The following JAK2 variants were observed in gnomAD, a reference collection of about 807,000 sequenced individuals.
JAK2 encodes Janus kinase 2, also known as tyrosine-protein kinase JAK2.
JAK2 carries 86 observed loss-of-function variants against 139.3 expected under a neutral mutation model. The observed-to-expected ratio is 0.62, with a 90% CI of 0.52 to 0.74. The LOEUF is 0.74. Ranked by LOEUF, JAK2 falls within the 30% of genes least tolerant of loss-of-function variation. JAK2 has a pLI of 0.00. For missense variants in JAK2, 1,421 were observed against 1,360.3 expected, an observed-to-expected ratio of 1.04 and a Z score of -0.70; for synonymous variants, 490 against 437.7, an observed-to-expected ratio of 1.12 and a Z score of -1.49.
At chr9:5,028,968 G>A (rs772408087) in intron 3 of JAK2, among the ~76,000 whole-genome samples, 4 of 152,258 alleles carry the variant, frequency 2.6e-5, no homozygotes, top group African/African-American at 2.4e-5. Flanking sequence ...TACTGCAGTC[G>A]CATTTTTAAT....
intron 2 of JAK2, among the ~76,000 whole-genome samples, chr9:4,990,290 A>T (rs1351428364): frequency 6.6e-6 from 1 of 152,192 alleles, no homozygotes; most frequent in African/African-American, 2.4e-5. Flanking sequence ...AGAGAGATTT[A>T]AAAATGTGTC....
chr9:5,095,644 A>G (rs1307036885), intron 22 of JAK2, among the ~76,000 whole-genome samples: 1 of 152,092 alleles, frequency 6.6e-6, no homozygotes, highest in African/African-American at 2.4e-5. Context: ...CCCTATCTCA[A>G]TTATATTTCA....
At chr9:5,115,968 G>C (rs1240877949) in intron 22 of JAK2, among the ~76,000 whole-genome samples, 1 of 151,994 alleles carries the variant, frequency 6.6e-6, no homozygotes, top group Non-Finnish European at 1.5e-5. Flanking sequence ...TTGATGGGTT[G>C]ATGGGTGCAG....
intron 4 of JAK2, among the ~76,000 whole-genome samples, chr9:5,039,848 T>C (rs1388157693): frequency 1.3e-5 from 2 of 152,152 alleles, no homozygotes; most frequent in Non-Finnish European, 2.9e-5. Flanking sequence ...TGGAAAGATA[T>C]CTCATAGAGG....
chr9:5,126,302 AC>A (rs756938403), intron 23 of JAK2, 30 bp from the exon 24 acceptor site: 1 of 1,472,250 alleles, frequency 6.8e-7, no homozygotes, highest in African/African-American at 1.4e-5. Context: ...AATTAAATGT[AC>A]AAAAAATATT....
chr9:5,058,135 A>T (rs933949866), intron 8 of JAK2, among the ~76,000 whole-genome samples: 7 of 152,174 alleles, frequency 4.6e-5, no homozygotes, highest in Admixed American at 4.6e-4. Context: ...ATTGTGAGTA[A>T]TGCTGCTGTG....
intron 22 of JAK2, among the ~76,000 whole-genome samples, chr9:5,095,867 C>T (rs1273708609): frequency 6.6e-6 from 1 of 152,174 alleles, no homozygotes; most frequent in Admixed American, 6.5e-5. Context: ...ACAACTACCA[C>T]ATTTCTAGCA....
intron 2 of JAK2, among the ~76,000 whole-genome samples, chr9:5,020,855 G>A (rs528424626): frequency 6.6e-6 from 1 of 152,254 alleles, no homozygotes; most frequent in Admixed American, 6.5e-5. Flanking sequence ...GATATGCAGG[G>A]GCTGTTGGGC....
intron 22 of JAK2, among the ~76,000 whole-genome samples, chr9:5,120,098 A>T (rs1365381988): frequency 6.6e-6 from 1 of 152,230 alleles, no homozygotes; most frequent in African/African-American, 2.4e-5. Context: ...AAGTGCTGGC[A>T]GGTTCAGGCG....
At chr9:4,987,452 A>G (rs111785953) in intron 2 of JAK2, among the ~76,000 whole-genome samples, 86 of 152,226 alleles carry the variant, frequency 5.6e-4, no homozygotes, top group African/African-American at 2.0e-3. Flanking sequence ...TGCATTATTT[A>G]CGGCTGGTCA....
chr9:5,028,672 C>T (rs1055248738), intron 3 of JAK2, among the ~76,000 whole-genome samples: 1 of 152,190 alleles, frequency 6.6e-6, no homozygotes, highest in African/African-American at 2.4e-5. Flanking sequence ...GGATAACTTG[C>T]TGCATCCTCT....
intron 2 of JAK2, among the ~76,000 whole-genome samples, chr9:5,011,635 C>T (rs998015835): frequency 3.4e-5 from 5 of 147,116 alleles, no homozygotes; most frequent in Admixed American, 6.9e-5. Flanking sequence ...GCTTTGGGTC[C>T]ATTTCTATTA....
intron 2 of JAK2, among the ~76,000 whole-genome samples, chr9:4,987,186 T>C (rs1446961834): frequency 6.6e-6 from 1 of 152,202 alleles, no homozygotes; most frequent in Non-Finnish European, 1.5e-5. Flanking sequence ...GAGCACACCA[T>C]GCTTGTTTTT....
In JAK2 at chr9:5,040,629, C is replaced by G. The variant is rs116543362; in HGVS notation, c.351-3774C>G. On this transcript the variant is annotated intron_variant, in intron 4 of 24. Coordinates refer to ENST00000381652, the MANE Select transcript of JAK2 (RefSeq NM_004972.4). ...TTACAGCTCAACAAGACAATGACAA[C>G]TTAATTTAAAAAGTAGGCAAGGGAC... Among the ~76,000 whole-genome samples, 1,013 of 152,342 alleles carry G rather than the reference C, an allele frequency of 6.6e-3. 13 individuals carry two copies. Among genetic ancestry groups the G allele is most frequent in the African/African-American group, 0.024 (982 of 41,560 alleles).
intron 19 of JAK2, chr9:5,085,575 T>A (rs1249315780): frequency 1.4e-6 from 1 of 692,840 alleles, no homozygotes; most frequent in Admixed American, 2.0e-5. Flanking sequence ...TATTTCCAGT[T>A]TGTGCCCCAC....
chr9:5,069,888 T>C (rs374913103), intron 11 of JAK2, 37 bp from the exon 12 acceptor site: 25 of 1,375,156 alleles, frequency 1.8e-5, no homozygotes, highest in Non-Finnish European at 2.3e-5. Flanking sequence ...ACTTTCAGTG[T>C]ATTTTGAAGT....
chr9:5,062,381 T>G (rs1011590996), intron 8 of JAK2, among the ~76,000 whole-genome samples: 1 of 151,774 alleles, frequency 6.6e-6, no homozygotes, highest in Non-Finnish European at 1.5e-5. Flanking sequence ...GTAATAAAGT[T>G]TAAATTTTGT....
intron 8 of JAK2, among the ~76,000 whole-genome samples, chr9:5,060,554 T>TGTCGCTTA (rs1818096721): frequency 6.6e-6 from 1 of 152,226 alleles, no homozygotes. Flanking sequence ...AAGCAACTTA[T>TGTCGCTTA]CTGTCCAAAT....
intron 22 of JAK2, among the ~76,000 whole-genome samples, chr9:5,106,843 G>A (rs897871684): frequency 3.9e-5 from 6 of 152,106 alleles, no homozygotes; most frequent in Non-Finnish European, 8.8e-5. Flanking sequence ...GGTGGGAGTT[G>A]AACAATGAGA....
Sources: allele counts gnomAD v4.1 joint callset (sites outside exome capture counted in the v4.1 genomes callset), GRCh38; gene constraint gnomAD v4.1.1; transcripts MANE v1.5; gene names NCBI Gene and HGNC (gene_info 2026-07-23, HGNC 2026-07-21).